RBFOX3: variants seen among roughly 807,000 people sequenced by gnomAD.
The protein encoded by RBFOX3 is RNA binding protein fox-1 homolog 3.
In RBFOX3, 17 loss-of-function variants were observed where a neutral mutation model predicts 48.7. The observed-to-expected ratio is 0.35, with a 90% CI of 0.24 to 0.52. RBFOX3 has a LOEUF of 0.52. Among genes scored for constraint, RBFOX3 ranks in the 20% least tolerant of loss-of-function variants. The pLI is 0.94. For missense variants in RBFOX3, 382 were observed against 497.5 expected (o/e 0.77, Z 2.21); for synonymous variants, 212 against 209.5 (o/e 1.01, Z -0.10).
chr17:79,510,955 G>A (rs1193611100), intron 1 of RBFOX3, among the ~76,000 whole-genome samples: 7 of 152,096 alleles, frequency 4.6e-5, no homozygotes, highest in African/African-American at 7.2e-5. Flanking sequence ...CCACAGGGCC[G>A]AATGCATCCC....
chr17:79,193,199 A>G (rs542752926), intron 4 of RBFOX3, among the ~76,000 whole-genome samples: 1 of 152,250 alleles, frequency 6.6e-6, no homozygotes, highest in African/African-American at 2.4e-5. Flanking sequence ...TCCGTGTTGC[A>G]ATTTGGGAGG....
chr17:79,279,333 C>T (rs985196210), intron 3 of RBFOX3, among the ~76,000 whole-genome samples: 7 of 152,146 alleles, frequency 4.6e-5, no homozygotes, highest in African/African-American at 1.7e-4. Flanking sequence ...CCACAGCACC[C>T]AGGACATTCC....
intron 2 of RBFOX3, among the ~76,000 whole-genome samples, chr17:79,403,012 G>A (rs1430037346): frequency 6.6e-6 from 1 of 152,136 alleles, no homozygotes; most frequent in African/African-American, 2.4e-5. Flanking sequence ...GCTCTGCTGT[G>A]GGAAGGGCTG....
intron 1 of RBFOX3, among the ~76,000 whole-genome samples, chr17:79,540,985 G>A (rs1376874495): frequency 5.3e-5 from 8 of 152,118 alleles, no homozygotes; most frequent in South Asian, 2.1e-4. Context: ...AGTATCCTCC[G>A]AGGAACTGCT....
At chr17:79,269,576 G>A (rs952628727) in intron 3 of RBFOX3, among the ~76,000 whole-genome samples, 6 of 151,614 alleles carry the variant, frequency 4.0e-5, no homozygotes, top group African/African-American at 7.3e-5. Flanking sequence ...CCTCCTCCCC[G>A]TCTCCCTGGG....
chr17:79,586,200 C>T (rs2144948741), intron 1 of RBFOX3, among the ~76,000 whole-genome samples: 1 of 152,360 alleles, frequency 6.6e-6, no homozygotes, highest in East Asian at 1.9e-4. Context: ...GAGGGTGCCC[C>T]CATTCCAGGT....
intron 2 of RBFOX3, among the ~76,000 whole-genome samples, chr17:79,458,647 T>G (rs1555746727): frequency 6.6e-6 from 1 of 151,684 alleles, no homozygotes; most frequent in East Asian, 1.9e-4. Flanking sequence ...GTAAGTGAGC[T>G]CTTCTGCAGT....
intron 2 of RBFOX3, among the ~76,000 whole-genome samples, chr17:79,317,392 G>A (rs991527242): frequency 1.3e-5 from 2 of 152,216 alleles, no homozygotes; most frequent in Non-Finnish European, 2.9e-5. Flanking sequence ...GAACAAAGAC[G>A]CAGATTTGAG....
chr17:79,194,917 G>GTTTGTTTC, intron 4 of RBFOX3, among the ~76,000 whole-genome samples: 1 of 152,078 alleles, frequency 6.6e-6, no homozygotes, highest in South Asian at 2.1e-4. Context: ...CCCCAGTTTT[G>GTTTGTTTC]TTTGTTTTAC....
At chr17:79,269,610 T>C (rs1191621462) in intron 3 of RBFOX3, among the ~76,000 whole-genome samples, 1 of 148,824 alleles carries the variant, frequency 6.7e-6, no homozygotes, top group Non-Finnish European at 1.5e-5. Context: ...ACACCTTCTC[T>C]GTTCTCCCCC....
intron 4 of RBFOX3, among the ~76,000 whole-genome samples, chr17:79,230,817 T>C (rs1035720797): frequency 6.6e-6 from 1 of 151,982 alleles, no homozygotes; most frequent in Non-Finnish European, 1.5e-5. Context: ...AGGCCCAGCC[T>C]GTGTATGTGC....
chr17:79,573,844 G>A (rs972566478), intron 1 of RBFOX3, among the ~76,000 whole-genome samples: 6 of 152,276 alleles, frequency 3.9e-5, no homozygotes, highest in East Asian at 1.9e-4. Context: ...AGAGCCACGC[G>A]GGCACGTTCA....
At chr17:79,596,890 C>T (rs1406621020) in intron 1 of RBFOX3, among the ~76,000 whole-genome samples, 2 of 152,354 alleles carry the variant, frequency 1.3e-5, no homozygotes, top group African/African-American at 4.8e-5. Flanking sequence ...CACTTGCTCA[C>T]CGCCTTAGAT....
chr17:79,586,389 C>T (rs1248808987), intron 1 of RBFOX3, among the ~76,000 whole-genome samples: 1 of 152,242 alleles, frequency 6.6e-6, no homozygotes, highest in Non-Finnish European at 1.5e-5. Flanking sequence ...GCAAGCCCAG[C>T]TGGGACCAGC....
intron 4 of RBFOX3, among the ~76,000 whole-genome samples, chr17:79,189,325 G>A (rs1038022819): frequency 2.0e-5 from 3 of 152,310 alleles, no homozygotes; most frequent in Admixed American, 1.3e-4. Context: ...TAGAGGCAGC[G>A]TCTGGGCCAG....
intron 2 of RBFOX3, among the ~76,000 whole-genome samples, chr17:79,358,606 G>A (rs1024093193): frequency 3.3e-5 from 5 of 152,104 alleles, no homozygotes; most frequent in Non-Finnish European, 7.3e-5. Context: ...GATTACAGGT[G>A]TGCACCATCA....
chr17:79,154,231 C>G (rs1234169591), intron 4 of RBFOX3, among the ~76,000 whole-genome samples: 5 of 151,914 alleles, frequency 3.3e-5, no homozygotes, highest in Non-Finnish European at 2.9e-5. Flanking sequence ...ACATGCCCTT[C>G]CCTGTACCCA....
chr17:79,347,350 C>A (rs2083082589), intron 2 of RBFOX3, among the ~76,000 whole-genome samples: 1 of 152,078 alleles, frequency 6.6e-6, no homozygotes, highest in Non-Finnish European at 1.5e-5. Context: ...TTTGGGACTC[C>A]AAGACCTCTT....
At chr17:79,270,977 CTTTT>C (rs75894914) in intron 3 of RBFOX3, among the ~76,000 whole-genome samples, 27,673 of 152,050 alleles carry the variant, frequency 0.18, 2,719 homozygotes, top group Non-Finnish European at 0.23. Context: ...TCTTTCTTTT[CTTTT>C]TTGTTTTTTT....
Sources: allele counts gnomAD v4.1 joint callset (sites outside exome capture counted in the v4.1 genomes callset), GRCh38; gene constraint gnomAD v4.1.1; transcripts MANE v1.5; gene names NCBI Gene and HGNC (gene_info 2026-07-23, HGNC 2026-07-21).